Variants in TTC7B observed in about 807,000 individuals in gnomAD.
The protein encoded by TTC7B is tetratricopeptide repeat protein 7B.
In TTC7B, 28 loss-of-function variants were observed where a neutral mutation model predicts 106.8. That is an observed-to-expected ratio of 0.26 (90% confidence interval 0.19 to 0.36). The LOEUF (loss-of-function observed/expected upper bound fraction) is 0.36. Among genes scored for constraint, TTC7B ranks in the 10% least tolerant of loss-of-function variants. The pLI is 1.00. For missense variants in TTC7B, 862 were observed against 1,076.4 expected, an observed-to-expected ratio of 0.80 and a Z score of 2.79; for synonymous variants, 405 against 430.6, an observed-to-expected ratio of 0.94 and a Z score of 0.74.
chr14:90,811,226 G>A (rs1410617072), intron 1 of TTC7B, among the ~76,000 whole-genome samples: 1 of 152,232 alleles, frequency 6.6e-6, no homozygotes, highest in African/African-American at 2.4e-5. Context: ...ATGACAAGAG[G>A]ACAGAGTGTT....
intron 6 of TTC7B, among the ~76,000 whole-genome samples, chr14:90,692,644 C>T (rs1338080232): frequency 1.3e-5 from 2 of 152,122 alleles, no homozygotes; most frequent in Non-Finnish European, 1.5e-5. Flanking sequence ...AAAACACTTG[C>T]CAATTCAGTC....
intron 6 of TTC7B, among the ~76,000 whole-genome samples, chr14:90,694,354 A>G (rs976001536): frequency 1.3e-5 from 2 of 152,108 alleles, no homozygotes; most frequent in African/African-American, 4.8e-5. Context: ...GGGGGAGGGG[A>G]AAATGGGGAT....
At chr14:90,582,089 A>G (rs891537101) in intron 18 of TTC7B, among the ~76,000 whole-genome samples, 2 of 152,224 alleles carry the variant, frequency 1.3e-5, no homozygotes, top group African/African-American at 4.8e-5. Context: ...GAAAGACTGA[A>G]GGCATGATGT....
At chr14:90,695,832 A>G (rs1887723741) in intron 5 of TTC7B, among the ~76,000 whole-genome samples, 1 of 152,204 alleles carries the variant, frequency 6.6e-6, no homozygotes, top group Admixed American at 6.5e-5. Flanking sequence ...AAGCCAACAA[A>G]TTAAAAAGCA....
intron 15 of TTC7B, 105 bp downstream of exon 15, chr14:90,643,943 G>C (rs1885307697): frequency 3.0e-6 from 4 of 1,339,334 alleles, no homozygotes; most frequent in Non-Finnish European, 4.2e-6. Flanking sequence ...ATTATTGACT[G>C]CCAGGGTGTC....
At chr14:90,591,674 C>T (rs2139819829) in intron 18 of TTC7B, among the ~76,000 whole-genome samples, 1 of 152,282 alleles carries the variant, frequency 6.6e-6, no homozygotes, top group East Asian at 1.9e-4. Flanking sequence ...ACTTTGAGAC[C>T]AATTTAAAAG....
Position 90,589,566 on chromosome 14 carries a change from A to G in TTC7B, c.2107+3920T>C, listed in dbSNP as rs149818612. 3.5e-3 allele frequency among the ~76,000 whole-genome samples: 528 copies of G among 152,316 alleles called. 7 individuals are homozygous for G. Among genetic ancestry groups the G allele is most frequent in the African/African-American group, 0.012 (511 of 41,578 alleles). On this transcript the variant is annotated intron_variant, in intron 18 of 19. Transcript: ENST00000328459. ...AGACAGATTTTTTTCAGATATTTTTAATGCAAGGTTGGTTAAATCCGTGGG... is the reference window on the plus strand; with the variant it reads ...AGACAGATTTTTTTCAGATATTTTTGATGCAAGGTTGGTTAAATCCGTGGG...
chr14:90,602,216 C>T (rs185392436), intron 17 of TTC7B: 28 of 456,036 alleles, frequency 6.1e-5, no homozygotes, highest in African/African-American at 3.6e-4. Context: ...GTGGAAAAAA[C>T]GATTACATTA....
chr14:90,661,660 A>G (rs1886212118), intron 9 of TTC7B, among the ~76,000 whole-genome samples: 1 of 152,190 alleles, frequency 6.6e-6, no homozygotes, highest in African/African-American at 2.4e-5. Flanking sequence ...TAACAGCCCT[A>G]CTCAACCAAT....
chr14:90,722,575 AG>A (rs2139980533), intron 5 of TTC7B, among the ~76,000 whole-genome samples: 1 of 152,298 alleles, frequency 6.6e-6, no homozygotes, highest in East Asian at 1.9e-4. Context: ...AGAAAATGGA[AG>A]GGGAAGAACA....
chr14:90,650,308 C>T (rs1337873230), intron 13 of TTC7B, among the ~76,000 whole-genome samples: 3 of 152,158 alleles, frequency 2.0e-5, no homozygotes, highest in Admixed American at 2.0e-4. Context: ...ATTACAGGGG[C>T]CATGGGATTC....
At chr14:90,545,506 G>A (rs1419741872) in intron 19 of TTC7B, among the ~76,000 whole-genome samples, 1 of 152,236 alleles carries the variant, frequency 6.6e-6, no homozygotes, top group Non-Finnish European at 1.5e-5. Flanking sequence ...CAGGACAGCT[G>A]TGATCTTGAG....
At chr14:90,660,488 C>T (rs1167315536) in intron 9 of TTC7B, among the ~76,000 whole-genome samples, 2 of 150,910 alleles carry the variant, frequency 1.3e-5, no homozygotes, top group East Asian at 3.9e-4. Context: ...ACAACAAAAT[C>T]CCCCTCCACC....
intron 3 of TTC7B, among the ~76,000 whole-genome samples, chr14:90,763,137 CA>C (rs2140018750): frequency 6.6e-6 from 1 of 152,214 alleles, no homozygotes. Context: ...AAATCCCCTA[CA>C]AAATATTAGC....
chr14:90,791,586 T>C (rs1891586966), intron 1 of TTC7B, among the ~76,000 whole-genome samples: 2 of 152,114 alleles, frequency 1.3e-5, no homozygotes, highest in Non-Finnish European at 2.9e-5. Flanking sequence ...TGCTGCCCCG[T>C]GACTACGTTA....
intron 3 of TTC7B, among the ~76,000 whole-genome samples, chr14:90,774,310 T>G (rs1454459445): frequency 2.6e-5 from 4 of 152,220 alleles, no homozygotes; most frequent in Non-Finnish European, 1.5e-5. Context: ...TGAAGCCAGC[T>G]GCCACTGAAG....
rs1437266917 is a variant in TTC7B, at chr14:90,539,647, C to G, written c.*1721G>C. On this transcript the variant is annotated 3_prime_UTR_variant, in exon 20 of 20. Coordinates refer to ENST00000328459, the MANE Select transcript of TTC7B (RefSeq NM_001010854.2). ...ATGCAGTCCTCTAGGCTTCAGGGCA[C>G]CTAAGTTCAGAGCTCAGCCCTCCAT... 1 of 152,300 alleles carries G rather than the reference C, an allele frequency of 6.6e-6. No individual in the cohort carries two copies. Among genetic ancestry groups the G allele is most frequent in the Non-Finnish European group, 1.5e-5 (1 of 68,116 alleles). The allele number at this position is 152,300 out of a possible 1,614,324, so 9.4% of individuals were successfully genotyped here.
chr14:90,695,680 C>T (rs1887717883), intron 5 of TTC7B, 102 bp from the exon 6 acceptor site: 2 of 632,430 alleles, frequency 3.2e-6, no homozygotes, highest in Admixed American at 3.8e-5. Flanking sequence ...AAGCTGTTGG[C>T]TAGATTTTAA....
Position 90,802,969 on chromosome 14 carries a change from T to TA in TTC7B, c.121+13205dup, listed in dbSNP as rs34070744. ...CAACATGGTGAAACCCCATCTCTGC[T>TA]AAAAAAAAAAAAAAATACAAAAAAT... On this transcript the variant is annotated intron_variant, in intron 1 of 19. Coordinates refer to ENST00000328459, the MANE Select transcript of TTC7B (RefSeq NM_001010854.2). This position sits in a 1 kb window ranked among gnomAD's most constrained non-coding sequence, Gnocchi z 4.7. Among the ~76,000 whole-genome samples the TA allele has an allele frequency of 0.74, 104,538 of 141,402 alleles. 38,466 individuals carry two copies. Among genetic ancestry groups the TA allele is most frequent in the Middle Eastern group, 0.83 (221 of 266 alleles). The allele number at this position is 141,402 out of a possible 152,430, so 92.8% of individuals were successfully genotyped here. A position where few individuals can be genotyped will look rare whatever the true frequency, so the allele number is the denominator to read the frequency against.
Sources: allele counts gnomAD v4.1 joint callset (sites outside exome capture counted in the v4.1 genomes callset), GRCh38; gene constraint gnomAD v4.1.1; non-coding constraint Gnocchi (gnomAD v3.1); transcripts MANE v1.5; gene names NCBI Gene and HGNC (gene_info 2026-07-23, HGNC 2026-07-21).